The following WDR47 variants were observed in gnomAD, a reference collection of about 807,000 sequenced individuals.
WDR47 encodes WD repeat domain 47, also known as WD repeat-containing protein 47.
WDR47 carries 32 observed loss-of-function variants against 97.2 expected under a neutral mutation model. The ratio of observed to expected loss-of-function variants is 0.33; its 90% CI spans 0.25 to 0.44. WDR47 has a LOEUF of 0.44. Among genes scored for constraint, WDR47 ranks in the 20% least tolerant of loss-of-function variants. The probability of loss-of-function intolerance (pLI) is 1.00; values close to 1 mark genes in which losing one functional copy is unlikely to be tolerated. For synonymous variants in WDR47, 375 were observed against 373.5 expected (o/e 1.00, Z -0.05); for missense variants, 782 against 1,102.3 (o/e 0.71, Z 4.11).
Position 109,004,712 on chromosome 1 carries a change from A to G in WDR47, c.1134T>C (p.Asp378=), listed in dbSNP as rs753201686. Residue 378 remains aspartate (D), a synonymous_variant, in exon 6 of 15, where the codon GAT becomes GAC. Transcript: ENST00000369962. ...HSIYEESPER[D]TPVDAQRPIG... is the part of the protein sequence containing the mutation. ...TAGGCCTCTGTGCATCAACAGGTGT[A>G]TCACTTCTTCCAGAAACGTGCAAAA... 6.3e-7 allele frequency: 1 copy of G among 1,592,716 alleles called. No homozygotes were observed. The highest frequency in any genetic ancestry group is 8.5e-7 in the Non-Finnish European group (1 of 1,170,978).
At chr1:109,034,539 A>G (rs1662805914) in intron 1 of WDR47, among the ~76,000 whole-genome samples, 1 of 152,184 alleles carries the variant, frequency 6.6e-6, no homozygotes, top group Non-Finnish European at 1.5e-5. Context: ...ACTGAGCTGC[A>G]CAGCAGGAGG....
chr1:108,972,947 GAAA>G (rs10712683), intron 14 of WDR47, among the ~76,000 whole-genome samples: 2 of 116,122 alleles, frequency 1.7e-5, no homozygotes, highest in Non-Finnish European at 1.8e-5. Flanking sequence ...CTCTGTCTCA[GAAA>G]AAAAAAAAAA....
intron 13 of WDR47, among the ~76,000 whole-genome samples, chr1:108,978,954 G>A (rs1658132997): frequency 1.3e-5 from 2 of 152,156 alleles, no homozygotes; most frequent in Admixed American, 1.3e-4. Context: ...AGATATCTGA[G>A]TAAAAAAGGA....
At chr1:109,017,086 C>CTGG (rs1385317132) in intron 3 of WDR47, among the ~76,000 whole-genome samples, 1 of 152,146 alleles carries the variant, frequency 6.6e-6, no homozygotes, top group Non-Finnish European at 1.5e-5. Context: ...GCACATCAGC[C>CTGG]TGGTGGTAGA....
At chr1:109,001,434 C>G (rs1342779450) in intron 7 of WDR47, among the ~76,000 whole-genome samples, 2 of 151,876 alleles carry the variant, frequency 1.3e-5, no homozygotes, top group Non-Finnish European at 2.9e-5. Flanking sequence ...AATTTTAATA[C>G]AGCAAATCAA....
chr1:108,975,482 G>A (rs190298254), intron 13 of WDR47, among the ~76,000 whole-genome samples: 17 of 151,748 alleles, frequency 1.1e-4, no homozygotes, highest in Non-Finnish European at 2.4e-4. Flanking sequence ...TTAGCCGAAC[G>A]GAGTGGCACG....
chr1:109,039,393 G>C (rs1264318356), intron 1 of WDR47, among the ~76,000 whole-genome samples: 1 of 152,000 alleles, frequency 6.6e-6, no homozygotes, highest in East Asian at 1.9e-4. Flanking sequence ...AAATAGCTGG[G>C]ATTACAGGCA....
At chr1:109,030,204 T>G (rs1156417575) in intron 1 of WDR47, 20 of 1,543,874 alleles carry the variant, frequency 1.3e-5, no homozygotes, top group Non-Finnish European at 1.7e-5. Context: ...ACCACGGTCT[T>G]TAGCCATGCA....
chr1:109,030,083 TCTC>T, intron 1 of WDR47: 5 of 787,024 alleles, frequency 6.4e-6, no homozygotes, highest in Non-Finnish European at 9.4e-6. Context: ...TCGCAAAAGA[TCTC>T]CTTCATCCCT....
chr1:108,988,231 G>A (rs1041313553), intron 9 of WDR47, among the ~76,000 whole-genome samples: 2 of 145,154 alleles, frequency 1.4e-5, no homozygotes, highest in Non-Finnish European at 3.0e-5. Flanking sequence ...ATAGGAAGGG[G>A]GGAGGGGCGG....
intron 1 of WDR47, among the ~76,000 whole-genome samples, chr1:109,024,417 C>T (rs1297521907): frequency 6.6e-6 from 1 of 150,768 alleles, no homozygotes; most frequent in Admixed American, 6.6e-5. Flanking sequence ...CGTGCCACTG[C>T]ACTACAGCCT....
intron 7 of WDR47, among the ~76,000 whole-genome samples, chr1:108,997,924 T>A (rs1177080807): frequency 6.6e-6 from 1 of 152,108 alleles, no homozygotes; most frequent in African/African-American, 2.4e-5. Context: ...TGAGAGGTGT[T>A]GTGGCTTATG....
rs981628237 is a variant in WDR47 at position 109,032,075 on chromosome 1, C to T, written c.-9-8554G>A. 5.0e-5 allele frequency among the ~76,000 whole-genome samples: 7 copies of T among 138,746 alleles called. 2 individuals carry two copies. Among genetic ancestry groups the T allele is most frequent in the Non-Finnish European group, 1.1e-4 (7 of 62,594 alleles). The allele number at this position is 138,746 out of a possible 152,430, so 91.0% of individuals were successfully genotyped here. A position where few individuals can be genotyped will look rare whatever the true frequency, so the allele number is the denominator to read the frequency against. On this transcript the variant is annotated intron_variant, in intron 1 of 14. Transcript: ENST00000369962. ...TCAGCCTCCTAAAGTGCTGAGAACGCAGGCATAAGCAACTGCACCTGGCCT... is the reference window on the plus strand; with the variant it reads ...TCAGCCTCCTAAAGTGCTGAGAACGTAGGCATAAGCAACTGCACCTGGCCT...
intron 9 of WDR47, among the ~76,000 whole-genome samples, chr1:108,987,802 G>C (rs917916354): frequency 6.6e-6 from 1 of 151,952 alleles, no homozygotes; most frequent in African/African-American, 2.4e-5. Flanking sequence ...ATGATTACAT[G>C]AAGTTTTTCT....
intron 6 of WDR47, 137 bp downstream of exon 6, chr1:109,004,455 A>G (rs2101912051): frequency 9.2e-7 from 1 of 1,085,208 alleles, no homozygotes; most frequent in Admixed American, 3.3e-5. Context: ...GAGAGAAAAT[A>G]AGCTAATAAT....
intron 1 of WDR47, among the ~76,000 whole-genome samples, chr1:109,033,012 G>C (rs35125964): frequency 0.11 from 16,323 of 151,618 alleles, 1,015 homozygotes; most frequent in Middle Eastern, 0.16. Context: ...AGAGTTAAAT[G>C]GGGCTGGGCG....
intron 1 of WDR47, among the ~76,000 whole-genome samples, chr1:109,040,944 C>T (rs921935112): frequency 1.3e-5 from 2 of 151,784 alleles, no homozygotes; most frequent in African/African-American, 2.4e-5. Flanking sequence ...GTATTAGGAT[C>T]ACAACCTACG....
At chr1:108,984,871 T>C (rs557795880) in intron 10 of WDR47, among the ~76,000 whole-genome samples, 1 of 151,806 alleles carries the variant, frequency 6.6e-6, no homozygotes, top group Non-Finnish European at 1.5e-5. Flanking sequence ...AGTGAGACTC[T>C]GTCTCAAAAC....
At chr1:108,999,393 C>T (rs1026911517) in intron 7 of WDR47, among the ~76,000 whole-genome samples, 7 of 151,734 alleles carry the variant, frequency 4.6e-5, no homozygotes, top group African/African-American at 1.7e-4. Context: ...CTAAACAAAC[C>T]TAAATTACAA....
Sources: allele counts gnomAD v4.1 joint callset (sites outside exome capture counted in the v4.1 genomes callset), GRCh38; gene constraint gnomAD v4.1.1; transcripts MANE v1.5; gene names NCBI Gene and HGNC (gene_info 2026-07-23, HGNC 2026-07-21).